The following DPYD variants were observed in gnomAD, a reference collection of about 807,000 sequenced individuals.
DPYD encodes the protein dihydropyrimidine dehydrogenase [NADP(+)].
Under a neutral mutation model 116.2 loss-of-function variants are expected in DPYD, and 109 were observed. The ratio of observed to expected loss-of-function variants is 0.94; its 90% CI spans 0.80 to 1.10. The LOEUF (loss-of-function observed/expected upper bound fraction) is 1.10, where lower values mean the gene tolerates loss of function less well. Among genes scored for constraint, DPYD ranks in the 50% least tolerant of loss-of-function variants. The pLI is 0.00. For synonymous variants in DPYD, 440 were observed against 432.0 expected (o/e 1.02, Z -0.23); for missense variants, 1,302 against 1,254.5 (o/e 1.04, Z -0.57).
At chr1:97,104,919 A>T (rs1408392907) in intron 20 of DPYD, among the ~76,000 whole-genome samples, 1 of 152,152 alleles carries the variant, frequency 6.6e-6, no homozygotes, top group African/African-American at 2.4e-5. Context: ...AGGATGATGG[A>T]AATAAGACTT....
intron 14 of DPYD, among the ~76,000 whole-genome samples, chr1:97,444,971 T>C (rs2101773236): frequency 6.6e-6 from 1 of 152,254 alleles, no homozygotes; most frequent in Admixed American, 6.5e-5. Context: ...GATACCAAAT[T>C]ATAAAGGAGA....
rs143951077 is a variant in DPYD, at chr1:97,122,625, T to C, written c.2623-23993A>G. On this transcript the variant is annotated intron_variant, in intron 20 of 22. Transcript: ENST00000370192. ...AACTTAATTATAACCAATTTCATCT[T>C]ATTTCCTCATATATGTACGCAGATA... Among the ~76,000 whole-genome samples the C allele has an allele frequency of 4.1e-3, 623 of 152,240 alleles. 3 individuals carry two copies. Among genetic ancestry groups the C allele is most frequent in the African/African-American group, 0.014 (599 of 41,556 alleles).
At chr1:97,787,269 T>C (rs918919653) in intron 3 of DPYD, among the ~76,000 whole-genome samples, 11 of 152,196 alleles carry the variant, frequency 7.2e-5, no homozygotes, top group African/African-American at 2.7e-4. Flanking sequence ...TAAGCCACAA[T>C]TGCATCAACA....
intron 16 of DPYD, among the ~76,000 whole-genome samples, chr1:97,361,877 C>T (rs1481906100): frequency 2.0e-5 from 3 of 152,138 alleles, no homozygotes; most frequent in Non-Finnish European, 4.4e-5. Flanking sequence ...GGAAGCATTC[C>T]CTTTGAAAAC....
chr1:97,099,928 T>C (rs192377913), intron 20 of DPYD, among the ~76,000 whole-genome samples: 568 of 152,192 alleles, frequency 3.7e-3, no homozygotes, highest in Non-Finnish European at 6.6e-3. Context: ...TGTAGAAATA[T>C]CTAAGATTGT....
chr1:97,353,908 T>G (rs924678762), intron 16 of DPYD, among the ~76,000 whole-genome samples: 2 of 152,166 alleles, frequency 1.3e-5, no homozygotes, highest in Admixed American at 6.5e-5. Context: ...TGAGAGGCAG[T>G]CATGTCTGAG....
chr1:97,384,426 G>T lies in DPYD; in HGVS notation c.1906-1965C>A, dbSNP rs182817749. On this transcript the variant is annotated intron_variant, in intron 14 of 22. Transcript: ENST00000370192. The stretch of plus-strand genomic sequence containing the variant: ...ACACCATGAAAGCTGGAGCTGCTCT[G>T]CATTAGTCATCATCTATCTACAGTA... Among the ~76,000 whole-genome samples the T allele has an allele frequency of 1.1e-4, 17 of 151,882 alleles. No individual in the cohort carries two copies. The East Asian group carries it at 3.3e-3, about 30-fold the overall frequency.
chr1:97,920,869 G>C lies in DPYD; in HGVS notation c.39+15C>G. 1 of 1,589,480 alleles carries C rather than the reference G, an allele frequency of 6.3e-7. No individual in the cohort carries two copies. Among genetic ancestry groups the C allele is most frequent in the Non-Finnish European group, 8.6e-7 (1 of 1,168,514 alleles). ...CCACCCCGCCACCACCGACGAGCCG[G>C]CGCGAAGTCCGTACCTCGATGTCCG... On this transcript the variant is annotated intron_variant, in intron 1 of 22. Coordinates refer to ENST00000370192, the MANE Select transcript of DPYD (RefSeq NM_000110.4).
At chr1:97,743,799 C>T (rs1008742288) in intron 3 of DPYD, among the ~76,000 whole-genome samples, 3 of 152,080 alleles carry the variant, frequency 2.0e-5, no homozygotes, top group African/African-American at 7.2e-5. Flanking sequence ...TTAAATTACA[C>T]TTGTTTTCAT....
chr1:97,759,214 G>A (rs1665438272), intron 3 of DPYD, among the ~76,000 whole-genome samples: 1 of 152,114 alleles, frequency 6.6e-6, no homozygotes, highest in African/African-American at 2.4e-5. Context: ...TGCTGCATTG[G>A]TGTTCAGAAA....
intron 14 of DPYD, among the ~76,000 whole-genome samples, chr1:97,448,252 T>C (rs1482766745): frequency 6.6e-6 from 1 of 152,108 alleles, no homozygotes; most frequent in Non-Finnish European, 1.5e-5. Context: ...AAGGACAACA[T>C]AGGCAAATGC....
At chr1:97,304,681 T>G (rs1409285450) in intron 18 of DPYD, among the ~76,000 whole-genome samples, 2 of 151,942 alleles carry the variant, frequency 1.3e-5, no homozygotes, top group African/African-American at 4.8e-5. Flanking sequence ...AGTCACAGAG[T>G]GCACAGGGTA....
chr1:97,167,084 A>C (rs1208056859), intron 20 of DPYD, among the ~76,000 whole-genome samples: 1 of 152,188 alleles, frequency 6.6e-6, no homozygotes, highest in Non-Finnish European at 1.5e-5. Context: ...GCTTTAGAAG[A>C]GATTCTTCAT....
chr1:97,276,641 G>C (rs2100914894), intron 18 of DPYD, among the ~76,000 whole-genome samples: 1 of 135,150 alleles, frequency 7.4e-6, no homozygotes, highest in African/African-American at 2.8e-5. Flanking sequence ...TGGCTATTAA[G>C]AAGTCAACAA....
At chr1:97,831,066 C>G (rs1256324623) in intron 2 of DPYD, among the ~76,000 whole-genome samples, 2 of 152,172 alleles carry the variant, frequency 1.3e-5, no homozygotes, top group Non-Finnish European at 2.9e-5. Context: ...AATAAGTAAG[C>G]ACTGTAGCAT....
intron 13 of DPYD, among the ~76,000 whole-genome samples, chr1:97,473,757 A>G (rs1436965895): frequency 6.6e-6 from 1 of 152,196 alleles, no homozygotes; most frequent in Non-Finnish European, 1.5e-5. Flanking sequence ...TTGTAATCCC[A>G]ACAATTTGAG....
intron 2 of DPYD, among the ~76,000 whole-genome samples, chr1:97,844,458 A>G (rs183583212): frequency 6.6e-6 from 1 of 152,296 alleles, no homozygotes; most frequent in East Asian, 1.9e-4. Flanking sequence ...AGTTTGAGTT[A>G]AAAATGACCA....
intron 2 of DPYD, among the ~76,000 whole-genome samples, chr1:97,839,873 A>T (rs750707392): frequency 6.6e-6 from 1 of 152,196 alleles, no homozygotes; most frequent in Non-Finnish European, 1.5e-5. Context: ...TTAATCTCCT[A>T]CATATGCCAG....
intron 3 of DPYD, among the ~76,000 whole-genome samples, chr1:97,823,935 T>G (rs761872636): frequency 2.0e-5 from 3 of 149,526 alleles, no homozygotes; most frequent in Non-Finnish European, 4.5e-5. Flanking sequence ...AAAAAAAACC[T>G]TTTATACCAT....
Sources: gnomAD v4.1 joint callset for allele counts (sites outside exome capture counted in the v4.1 genomes callset) on GRCh38, gnomAD v4.1.1 for gene constraint, MANE v1.5 for transcripts, NCBI Gene and HGNC (gene_info 2026-07-23, HGNC 2026-07-21) for gene names.